Variants in NRSN1 observed in about 807,000 individuals in gnomAD.
NRSN1 encodes neurensin-1.
In NRSN1, 14 loss-of-function variants were observed where a neutral mutation model predicts 17.3. The observed-to-expected ratio is 0.81, with a 90% CI of 0.54 to 1.27. NRSN1 has a LOEUF of 1.27. Ranked by LOEUF, NRSN1 falls within the 50% of genes most tolerant of loss-of-function variation. The probability of loss-of-function intolerance (pLI) is 0.00; values close to 1 mark genes in which losing one functional copy is unlikely to be tolerated. For missense variants in NRSN1, 209 were observed against 235.9 expected (o/e 0.89, Z 0.75); for synonymous variants, 79 against 94.2 (o/e 0.84, Z 0.93).
At chr6:24,131,783 C>T (rs1760033833) in intron 2 of NRSN1, among the ~76,000 whole-genome samples, 1 of 152,184 alleles carries the variant, frequency 6.6e-6, no homozygotes, top group Admixed American at 6.5e-5. Context: ...ATAGAAGGTA[C>T]TGAAGAGATC....
intron 3 of NRSN1, among the ~76,000 whole-genome samples, chr6:24,137,419 A>G (rs997975663): frequency 5.9e-5 from 9 of 152,166 alleles, no homozygotes; most frequent in African/African-American, 2.2e-4. Context: ...ATATTCTTCA[A>G]ATATGAAGAA....
chr6:24,126,779 G>A (rs942243322), intron 1 of NRSN1, among the ~76,000 whole-genome samples: 4 of 152,190 alleles, frequency 2.6e-5, no homozygotes, highest in African/African-American at 9.7e-5. Flanking sequence ...CCACTCCTGT[G>A]CCACGTCTGA....
chr6:24,140,742 C>T (rs2113716291), intron 3 of NRSN1, among the ~76,000 whole-genome samples: 1 of 152,342 alleles, frequency 6.6e-6, no homozygotes, highest in East Asian at 1.9e-4. Flanking sequence ...AACAGCTGCG[C>T]CGCGACTGCT....
At chr6:24,131,831 C>A (rs1462583626) in intron 2 of NRSN1, among the ~76,000 whole-genome samples, 1 of 152,132 alleles carries the variant, frequency 6.6e-6, no homozygotes, top group Non-Finnish European at 1.5e-5. Context: ...GGTTAATATT[C>A]TTTTGATCTG....
Position 24,134,418 on chromosome 6 carries a change from C to T in NRSN1, c.91C>T (p.His31Tyr), listed in dbSNP as rs1760086147. ...GCGCTATGGAGTCCGGTCCTACCTG[C>T]ACCAGTTTTATGAGGACTGTACAGC... ...YQRYGVRSYLHQFYEDCTASI... is the reference protein window; with the variant it reads ...YQRYGVRSYLYQFYEDCTASI... Residue 31 changes from histidine (H) to tyrosine (Y), a missense_variant, in exon 3 of 4, where the codon CAC becomes TAC. Transcript: ENST00000378491. The T allele has an allele frequency of 6.2e-7, 1 of 1,614,060 alleles. No individual in the cohort carries two copies. The highest frequency in any genetic ancestry group is 8.5e-7 in the Non-Finnish European group (1 of 1,179,938).
At chr6:24,139,974 A>G (rs755741327) in intron 3 of NRSN1, among the ~76,000 whole-genome samples, 5 of 152,204 alleles carry the variant, frequency 3.3e-5, no homozygotes, top group Admixed American at 1.3e-4. Context: ...ATTTACAAAG[A>G]ACATCCAGCA....
intron 2 of NRSN1, chr6:24,129,743 C>T (rs1313100834): frequency 1.3e-5 from 2 of 152,116 alleles, no homozygotes; most frequent in East Asian, 3.8e-4. Flanking sequence ...TAATGTATAA[C>T]AGTGCATGCA....
At chr6:24,135,507 CT>C (rs1222590127) in intron 3 of NRSN1, among the ~76,000 whole-genome samples, 1 of 152,148 alleles carries the variant, frequency 6.6e-6, no homozygotes, top group Non-Finnish European at 1.5e-5. Flanking sequence ...TATGTAGAGC[CT>C]TGTACACCAC....
At chr6:24,137,522 TG>T (rs563869149) in intron 3 of NRSN1, among the ~76,000 whole-genome samples, 34 of 151,686 alleles carry the variant, frequency 2.2e-4, no homozygotes, top group Non-Finnish European at 4.6e-4. Flanking sequence ...AGATTGTTGT[TG>T]TTTTTTTTTA....
At chr6:24,139,353 C>T (rs1760166145) in intron 3 of NRSN1, among the ~76,000 whole-genome samples, 1 of 152,168 alleles carries the variant, frequency 6.6e-6, no homozygotes, top group South Asian at 2.1e-4. Context: ...GACACTGTTG[C>T]AATGATCCAG....
intron 2 of NRSN1, chr6:24,128,615 T>A (rs920604667): frequency 2.6e-5 from 4 of 152,214 alleles, no homozygotes; most frequent in Non-Finnish European, 5.9e-5. Context: ...CCTTCCTGTA[T>A]CCCCTATGAG....
chr6:24,137,367 G>C (rs1302722991), intron 3 of NRSN1, among the ~76,000 whole-genome samples: 1 of 152,124 alleles, frequency 6.6e-6, no homozygotes, highest in African/African-American at 2.4e-5. Context: ...CAGGCTCTGG[G>C]ATTCTGATGT....
Position 24,142,212 on chromosome 6 carries a change from T to TTTTTTTTTTTTTTTTTTTC in NRSN1, c.190-3334_190-3333insTTTTTTTTTTTTTTTTCTT, listed in dbSNP as rs1484150562. ...ACAGCTTTTTTTTTTTTTTTTTTTT[T>TTTTTTTTTTTTTTTTTTTC]TTCAGAAGACATCCTATTGACTCTT... On this transcript the variant is annotated intron_variant, in intron 3 of 3. Transcript: ENST00000378491. Among the ~76,000 whole-genome samples the TTTTTTTTTTTTTTTTTTTC allele has an allele frequency of 8.7e-4, 117 of 134,584 alleles. 8 individuals carry two copies. The highest frequency in any genetic ancestry group is 1.7e-3 in the South Asian group (7 of 4,026). The allele number at this position is 134,584 out of a possible 152,430, so 88.3% of individuals were successfully genotyped here.
intron 1 of NRSN1, among the ~76,000 whole-genome samples, chr6:24,127,801 G>C (rs1759971269): frequency 6.6e-6 from 1 of 152,114 alleles, no homozygotes; most frequent in South Asian, 2.1e-4. Context: ...TTGTAAAATA[G>C]AAATGGACCA....
chr6:24,130,749 G>C (rs73389776), intron 2 of NRSN1, among the ~76,000 whole-genome samples: 3,048 of 152,220 alleles, frequency 0.02, 93 homozygotes, highest in African/African-American at 0.07. Context: ...AAGAATTTGA[G>C]CTGTCAGTAA....
Position 24,145,808 on chromosome 6 carries a change from C to G in NRSN1, c.450C>G (p.Leu150=), listed in dbSNP as rs1167918682. The change falls in exon 4 of 4, where the codon CTC becomes CTG. Residue 150 remains leucine (L), a synonymous_variant. Transcript: ENST00000378491. The surrounding 1 kb of genome is among the most constrained non-coding windows in gnomAD (Gnocchi z 4.4). The part of the protein sequence containing the change: ...VKSYSKEEKF[L]QQKFKERIAD... ...GCTACTCCAAAGAAGAAAAATTCCT[C>G]CAGCAGAAGTTTAAAGAACGAATCG... 1 of 1,614,188 alleles carries G rather than the reference C, an allele frequency of 6.2e-7. No individual in the cohort carries two copies.
Position 24,146,590 on chromosome 6 carries a change from A to C in NRSN1, c.*644A>C. 9.2e-6 allele frequency: 2 copies of C among 218,176 alleles called. No homozygotes were observed. Among genetic ancestry groups the C allele is most frequent in the Non-Finnish European group, 1.8e-5 (2 of 108,634 alleles). The allele number at this position is 218,176 out of a possible 1,614,324, so 13.5% of individuals were successfully genotyped here. ...CAGCGGTGAAATCATAGCGCACTGC[A>C]GCCTTGAACTCCTGGGCTCAAGCGA... On this transcript the variant is annotated 3_prime_UTR_variant, in exon 4 of 4. Coordinates refer to ENST00000378491, the MANE Select transcript of NRSN1 (RefSeq NM_080723.5).
At chr6:24,131,416 A>C (rs1409842995) in intron 2 of NRSN1, among the ~76,000 whole-genome samples, 2 of 152,166 alleles carry the variant, frequency 1.3e-5, no homozygotes, top group African/African-American at 2.4e-5. Context: ...TATTCCTATC[A>C]TATCTATTTT....
In NRSN1 at chr6:24,147,486, T is replaced by C. The variant is rs1189563088; in HGVS notation, c.*1540T>C. The C allele has an allele frequency of 6.6e-6, 1 of 152,288 alleles. No homozygotes were observed. Among genetic ancestry groups the C allele is most frequent in the Middle Eastern group, 3.4e-3 (1 of 294 alleles). The allele number at this position is 152,288 out of a possible 1,614,324, so 9.4% of individuals were successfully genotyped here. A position where few individuals can be genotyped will look rare whatever the true frequency, so the allele number is the denominator to read the frequency against. ...TTCCATTCTGAGACTGAATAAGCTC[T>C]GATGTTTCCCCGGCTAAATGGAAGA... On this transcript the variant is annotated 3_prime_UTR_variant, in exon 4 of 4. Transcript: ENST00000378491.
Sources: gnomAD v4.1 joint callset for allele counts (sites outside exome capture counted in the v4.1 genomes callset) on GRCh38, gnomAD v4.1.1 for gene constraint, Gnocchi (gnomAD v3.1) non-coding constraint, MANE v1.5 for transcripts, NCBI Gene and HGNC (gene_info 2026-07-23, HGNC 2026-07-21) for gene names.